Variants in GAN observed in about 807,000 individuals in gnomAD.
GAN encodes the protein gigaxonin.
In GAN, 48 loss-of-function variants were observed where a neutral mutation model predicts 71.3. That is an observed-to-expected ratio of 0.67 (90% CI 0.53 to 0.86). GAN has a LOEUF of 0.86. GAN is among the 40% of genes least tolerant of loss of function. The probability of loss-of-function intolerance (pLI) is 0.00; values close to 1 mark genes in which losing one functional copy is unlikely to be tolerated. For synonymous variants in GAN, 386 were observed against 276.8 expected (o/e 1.39, Z -3.92); for missense variants, 928 against 770.1 (o/e 1.21, Z -2.43).
At chr16:81,324,933 G>C (rs1159392452) in intron 1 of GAN, among the ~76,000 whole-genome samples, 1 of 152,206 alleles carries the variant, frequency 6.6e-6, no homozygotes, top group Non-Finnish European at 1.5e-5. Context: ...CCTGGGCCAG[G>C]TTTGGCAGTG....
chr16:81,376,184 G>A (rs1373048931), intron 9 of GAN, among the ~76,000 whole-genome samples: 2 of 151,592 alleles, frequency 1.3e-5, no homozygotes, highest in African/African-American at 2.4e-5. Context: ...AAGCAGTGGG[G>A]CACTTTTTTT....
intron 5 of GAN, among the ~76,000 whole-genome samples, chr16:81,362,005 C>A (rs1362797550): frequency 6.6e-6 from 1 of 152,222 alleles, no homozygotes; most frequent in Non-Finnish European, 1.5e-5. Flanking sequence ...TTTTATCCAG[C>A]AAATTGTTTT....
At chr16:81,341,968 G>C (rs1909958047) in intron 1 of GAN, among the ~76,000 whole-genome samples, 2 of 152,128 alleles carry the variant, frequency 1.3e-5, no homozygotes, top group South Asian at 2.1e-4. Flanking sequence ...AGCAGAAGAA[G>C]CAGGGGTTGC....
chr16:81,361,526 A>C (rs1396040623), intron 5 of GAN, among the ~76,000 whole-genome samples: 1 of 152,136 alleles, frequency 6.6e-6, no homozygotes, highest in Non-Finnish European at 1.5e-5. Flanking sequence ...GTGGACCTGG[A>C]GCTTAAACTT....
chr16:81,385,779 T>TC lies in GAN; in HGVS notation c.*8183_*8184insC, dbSNP rs1289013964. On this transcript the variant is annotated 3_prime_UTR_variant, in exon 11 of 11. Coordinates refer to ENST00000648994, the MANE Select transcript of GAN (RefSeq NM_022041.4). ...GGTGTTCATAAAATACTTTTTTTTT[T>TC]TTTTTTTTTTGAGATGGAGTCTCGC... 1.3e-5 allele frequency: 2 copies of TC among 150,166 alleles called. No individual in the cohort carries two copies. The highest frequency in any genetic ancestry group is 4.9e-5 in the African/African-American group (2 of 40,828). 9.3% of individuals were successfully genotyped at this position (150,166 alleles called of 1,614,324 possible). A position where few individuals can be genotyped will look rare whatever the true frequency, so the allele number is the denominator to read the frequency against.
rs202192140 is a variant in GAN at position 81,379,917 on chromosome 16, T to TG, written c.*2321_*2322insG. The TG allele has an allele frequency of 0.075, 10,984 of 145,946 alleles. 590 individuals are homozygous for TG. The highest frequency in any genetic ancestry group is 0.16 in the African/African-American group (6,315 of 40,360). The allele number at this position is 145,946 out of a possible 1,614,324, so 9.0% of individuals were successfully genotyped here. ...GTAAATTCATTTTATAAAAATAGTGTTTTTTTTTTTTAATTTCAGTTCATT... is the reference window on the plus strand; with the variant it reads ...GTAAATTCATTTTATAAAAATAGTGTGTTTTTTTTTTTAATTTCAGTTCATT... On this transcript the variant is annotated 3_prime_UTR_variant, in exon 11 of 11. Coordinates refer to ENST00000648994, the MANE Select transcript of GAN (RefSeq NM_022041.4).
chr16:81,316,249 A>C (rs1407257957), intron 1 of GAN, among the ~76,000 whole-genome samples: 1 of 152,206 alleles, frequency 6.6e-6, no homozygotes, highest in East Asian at 1.9e-4. Flanking sequence ...AAGCTGGTTA[A>C]ATATAAGCTA....
At chr16:81,350,615 G>C (rs981066988) in intron 1 of GAN, among the ~76,000 whole-genome samples, 1 of 151,102 alleles carries the variant, frequency 6.6e-6, no homozygotes, top group Non-Finnish European at 1.5e-5. Context: ...TCCCAGGTTC[G>C]AGCTATTTTT....
intron 9 of GAN, among the ~76,000 whole-genome samples, chr16:81,366,828 T>C (rs573633742): frequency 2.6e-4 from 40 of 152,242 alleles, no homozygotes; most frequent in African/African-American, 9.1e-4. Flanking sequence ...TCTTTTTTTT[T>C]CTTTCTTTCT....
chr16:81,324,098 G>A (rs1192799881), intron 1 of GAN, among the ~76,000 whole-genome samples: 3 of 152,112 alleles, frequency 2.0e-5, no homozygotes, highest in Non-Finnish European at 4.4e-5. Flanking sequence ...CTGATAGTCT[G>A]CCCTAAAAGA....
intron 1 of GAN, among the ~76,000 whole-genome samples, chr16:81,315,775 A>G (rs575413190): frequency 6.6e-6 from 1 of 152,362 alleles, no homozygotes; most frequent in East Asian, 1.9e-4. Flanking sequence ...CGGCGCCGCC[A>G]ACCAGGCGGG....
At chr16:81,330,944 C>T (rs4889305) in intron 1 of GAN, among the ~76,000 whole-genome samples, 31,269 of 152,132 alleles carry the variant, frequency 0.21, 4,743 homozygotes, top group East Asian at 0.67. Flanking sequence ...TGGTGGTTCA[C>T]GCCTGTAATC....
At chr16:81,347,785 A>G (rs1157028835) in intron 1 of GAN, among the ~76,000 whole-genome samples, 2 of 151,992 alleles carry the variant, frequency 1.3e-5, no homozygotes, top group Non-Finnish European at 2.9e-5. Flanking sequence ...CATATAGCCT[A>G]TTTTTCTTTC....
In GAN at chr16:81,389,222, T is replaced by G. The variant is rs1035456736; in HGVS notation, c.*11626T>G. The G allele has an allele frequency of 2.0e-5, 3 of 152,226 alleles. No homozygotes were observed. Among genetic ancestry groups the G allele is most frequent in the Non-Finnish European group, 4.4e-5 (3 of 68,046 alleles). 9.4% of individuals were successfully genotyped at this position (152,226 alleles called of 1,614,324 possible). On this transcript the variant is annotated 3_prime_UTR_variant, in exon 11 of 11. Transcript: ENST00000648994. ...TAGCACAACTTGCTTCATTAAATAA[T>G]TCGTGGCTTTTTCTGCCACTGGGGT... is the stretch of plus-strand genomic sequence containing the variant.
rs1396641356 is a variant in GAN at position 81,356,879 on chromosome 16, A to T, written c.728A>T (p.Glu243Val). The T allele has an allele frequency of 1.2e-6, 2 of 1,613,816 alleles. No individual in the cohort carries two copies. The highest frequency in any genetic ancestry group is 2.7e-5 in the African/African-American group (2 of 74,914). ...EQMLNEPLVR[E>V]IVKECSNIPL... is the part of the protein sequence containing the mutation. ...ATGCTGAATGAACCATTAGTACGAG[A>T]AATTGTCAAAGAGTGTAGCAATATA... The change falls in exon 4 of 11, where the codon GAA becomes GTA. Residue 243 changes from glutamate to valine, a missense_variant. By Grantham distance (121) the Glu-to-Val change is moderately radical. Transcript: ENST00000648994.
At chr16:81,343,053 A>T (rs888703166) in intron 1 of GAN, among the ~76,000 whole-genome samples, 2 of 152,232 alleles carry the variant, frequency 1.3e-5, no homozygotes, top group Non-Finnish European at 2.9e-5. Context: ...TCCTGGACAC[A>T]TACACCCTCC....
intron 1 of GAN, among the ~76,000 whole-genome samples, chr16:81,340,746 T>TACA (rs71146004): frequency 0.4 from 61,133 of 151,196 alleles, 13,130 homozygotes; most frequent in Middle Eastern, 0.54. Context: ...TCCAAAGGAA[T>TACA]ACAACTCCTT....
chr16:81,316,019 T>A (rs1450191635), intron 1 of GAN, among the ~76,000 whole-genome samples: 1 of 152,252 alleles, frequency 6.6e-6, no homozygotes, highest in Non-Finnish European at 1.5e-5. Flanking sequence ...GTGAGAGCCT[T>A]GCGACAAAGG....
At chr16:81,374,102 A>G (rs986145967) in intron 9 of GAN, among the ~76,000 whole-genome samples, 2 of 151,960 alleles carry the variant, frequency 1.3e-5, no homozygotes, top group South Asian at 2.1e-4. Context: ...TTGGTTCGTT[A>G]TTTTTTTGTA....
Sources: allele counts gnomAD v4.1 joint callset (sites outside exome capture counted in the v4.1 genomes callset), GRCh38; gene constraint gnomAD v4.1.1; transcripts MANE v1.5; gene names NCBI Gene and HGNC (gene_info 2026-07-23, HGNC 2026-07-21).